The following SNAP91 variants were observed in gnomAD, a reference collection of about 807,000 sequenced individuals.
The protein encoded by SNAP91 is synaptosome associated protein 91.
In SNAP91, 27 loss-of-function variants were observed where a neutral mutation model predicts 100.3. That is an observed-to-expected ratio of 0.27 (90% CI 0.20 to 0.37). The LOEUF (loss-of-function observed/expected upper bound fraction) is 0.37, where lower values mean the gene tolerates loss of function less well. Among genes scored for constraint, SNAP91 ranks in the 10% least tolerant of loss-of-function variants. The pLI, the probability that SNAP91 is intolerant of heterozygous loss-of-function variation, is 1.00. For missense variants in SNAP91, 986 were observed against 1,123.7 expected (o/e 0.88, Z 1.75); for synonymous variants, 404 against 398.6 (o/e 1.01, Z -0.16).
intron 28 of SNAP91, among the ~76,000 whole-genome samples, chr6:83,556,761 C>G (rs981585913): frequency 6.6e-6 from 1 of 152,162 alleles, no homozygotes; most frequent in African/African-American, 2.4e-5. Context: ...AATGGCTTTT[C>G]CTGTAGTGAG....
chr6:83,649,074 G>T (rs2098085487), intron 7 of SNAP91, among the ~76,000 whole-genome samples: 1 of 152,116 alleles, frequency 6.6e-6, no homozygotes, highest in African/African-American at 2.4e-5. Context: ...TAATTCTTTT[G>T]ATTTCACTTC....
At chr6:83,595,599 A>C (rs2094377195) in intron 16 of SNAP91, among the ~76,000 whole-genome samples, 1 of 152,134 alleles carries the variant, frequency 6.6e-6, no homozygotes, top group Non-Finnish European at 1.5e-5. Context: ...AACCCTGGAG[A>C]GTGGAGACCA....
chr6:83,589,187 GT>G (rs2093354981), intron 22 of SNAP91, among the ~76,000 whole-genome samples: 1 of 152,114 alleles, frequency 6.6e-6, no homozygotes, highest in African/African-American at 2.4e-5. Flanking sequence ...TGTGTATGAA[GT>G]TTATTGGTTT....
intron 16 of SNAP91, among the ~76,000 whole-genome samples, chr6:83,600,545 T>C (rs1423221815): frequency 3.3e-5 from 5 of 152,250 alleles, no homozygotes; most frequent in East Asian, 3.9e-4. Context: ...GGGATACATA[T>C]ATGAATAAAC....
intron 26 of SNAP91, among the ~76,000 whole-genome samples, chr6:83,568,284 G>A (rs1411668036): frequency 6.6e-6 from 1 of 151,910 alleles, no homozygotes; most frequent in Non-Finnish European, 1.5e-5. Context: ...TCATAGGTGG[G>A]AATTGAACAA....
intron 7 of SNAP91, among the ~76,000 whole-genome samples, chr6:83,641,531 T>G (rs1269950051): frequency 6.6e-6 from 1 of 152,166 alleles, no homozygotes; most frequent in African/African-American, 2.4e-5. Flanking sequence ...AGCAAATTCT[T>G]CCTAAGGATA....
At chr6:83,615,941 A>C (rs921494909) in intron 10 of SNAP91, among the ~76,000 whole-genome samples, 4 of 152,182 alleles carry the variant, frequency 2.6e-5, no homozygotes, top group African/African-American at 9.6e-5. Context: ...GGTTGTCTCT[A>C]CTAACTCCTG....
rs1795180456 is a variant in SNAP91, at chr6:83,565,419, T to C, written c.2443-4472A>G. On this transcript the variant is annotated intron_variant, in intron 26 of 29. Coordinates refer to ENST00000369694, the MANE Select transcript of SNAP91 (RefSeq NM_001242792.2). Reference sequence around the variant, plus strand: ...GTCAAAGTCCTTTTCCTTTGTCTTGTGACTTCTCTAAAAATATATTGTTCC... The same window carrying C: ...GTCAAAGTCCTTTTCCTTTGTCTTGCGACTTCTCTAAAAATATATTGTTCC... 2.0e-5 allele frequency among the ~76,000 whole-genome samples: 3 copies of C among 152,210 alleles called. No individual in the cohort carries two copies. The South Asian group carries it at 6.2e-4, about 32-fold the overall frequency.
chr6:83,553,329 G>T lies in SNAP91; in HGVS notation c.*967C>A, dbSNP rs1413559874. On this transcript the variant is annotated 3_prime_UTR_variant, in exon 30 of 30. Coordinates refer to ENST00000369694, the MANE Select transcript of SNAP91 (RefSeq NM_001242792.2). ...CCTACTTTGAGCTCAGTTGAAGGAT[G>T]GAAGAACACTAGTCTACAAAACACA... 1 of 152,242 alleles carries T rather than the reference G, an allele frequency of 6.6e-6. No individual in the cohort carries two copies. The highest frequency in any genetic ancestry group is 6.6e-5 in the Admixed American group (1 of 15,260). 9.4% of individuals were successfully genotyped at this position (152,242 alleles called of 1,614,324 possible).
chr6:83,679,667 G>A (rs2128900260), intron 2 of SNAP91, among the ~76,000 whole-genome samples: 1 of 152,146 alleles, frequency 6.6e-6, no homozygotes, highest in African/African-American at 2.4e-5. Flanking sequence ...TATAGCTTGG[G>A]GTCGCGAGGA....
chr6:83,633,895 AG>A (rs1490697776), intron 8 of SNAP91, among the ~76,000 whole-genome samples: 1 of 148,152 alleles, frequency 6.7e-6, no homozygotes, highest in Non-Finnish European at 1.5e-5. Context: ...TCTGGCCAAG[AG>A]GCTTCTCAAT....
At chr6:83,631,767 G>C (rs2097213610) in intron 8 of SNAP91, among the ~76,000 whole-genome samples, 1 of 152,028 alleles carries the variant, frequency 6.6e-6, no homozygotes, top group East Asian at 1.9e-4. Context: ...CAGGTAGTTG[G>C]CTGGTGAATT....
chr6:83,629,411 T>C (rs994422288), intron 8 of SNAP91, among the ~76,000 whole-genome samples: 4 of 152,276 alleles, frequency 2.6e-5, no homozygotes, highest in African/African-American at 9.6e-5. Context: ...ATAGTGAATT[T>C]TGATGGGAAT....
chr6:83,698,321 A>C (rs2129035057), intron 2 of SNAP91, among the ~76,000 whole-genome samples: 2 of 135,458 alleles, frequency 1.5e-5, no homozygotes, highest in Admixed American at 7.8e-5. Context: ...AGCAATCTCC[A>C]AGGCCAAAAA....
At position 83,616,032 on chromosome 6, in the gene SNAP91, A is replaced by G. The variant is rs373600947; in HGVS notation, c.878+937T>C. Among the ~76,000 whole-genome samples the G allele has an allele frequency of 1.2e-4, 19 of 152,342 alleles. No individual in the cohort carries two copies. In the East Asian group the frequency reaches 3.7e-3, roughly 29 times the overall value. ...CAAGCTCTCCCTGTAGAGGACATAC[A>G]TTAAGTGTTTAAATGGACATAATGA... On this transcript the variant is annotated intron_variant, in intron 10 of 29. Transcript: ENST00000369694.
At chr6:83,651,043 C>T (rs1477382875) in intron 7 of SNAP91, among the ~76,000 whole-genome samples, 1 of 152,168 alleles carries the variant, frequency 6.6e-6, no homozygotes, top group Non-Finnish European at 1.5e-5. Context: ...AATTTGTGGG[C>T]ATACAGCTGT....
intron 11 of SNAP91, among the ~76,000 whole-genome samples, chr6:83,613,395 G>T (rs1242699051): frequency 6.6e-6 from 1 of 152,116 alleles, no homozygotes; most frequent in African/African-American, 2.4e-5. Flanking sequence ...AAATTAACCA[G>T]ACGTCTTTAA....
At chr6:83,685,000 C>T (rs908362824) in intron 2 of SNAP91, among the ~76,000 whole-genome samples, 1 of 152,128 alleles carries the variant, frequency 6.6e-6, no homozygotes, top group Non-Finnish European at 1.5e-5. Context: ...TAGGCACAGA[C>T]CTTGTTAAAA....
chr6:83,616,918 GA>G (rs1445904833), intron 10 of SNAP91, 50 bp downstream of exon 10: 72 of 1,154,058 alleles, frequency 6.2e-5, no homozygotes, highest in Non-Finnish European at 8.8e-5. Context: ...ATTCTTAGAA[GA>G]ACGACTGTAG....
Sources: allele counts gnomAD v4.1 joint callset (sites outside exome capture counted in the v4.1 genomes callset), GRCh38; gene constraint gnomAD v4.1.1; transcripts MANE v1.5; gene names NCBI Gene and HGNC (gene_info 2026-07-23, HGNC 2026-07-21).